The following CRIM1 variants were observed in gnomAD, a reference collection of about 807,000 sequenced individuals.
CRIM1 encodes cysteine rich transmembrane BMP regulator 1.
A neutral mutation model predicts 116.4 loss-of-function variants in CRIM1; 32 were observed. That is an observed-to-expected ratio of 0.27 (90% CI 0.21 to 0.37). The LOEUF is 0.37. CRIM1 is among the 10% of genes least tolerant of loss of function. The pLI, the probability that CRIM1 is intolerant of heterozygous loss-of-function variation, is 1.00. For synonymous variants in CRIM1, 590 were observed against 509.2 expected (o/e 1.16, Z -2.13); for missense variants, 1,331 against 1,354.8 (o/e 0.98, Z 0.28).
chr2:36,356,300 T>G lies in CRIM1; in HGVS notation c.8T>G (p.Leu3Trp). MY[L>W]VAGDRGLAGC... ...CGGCGGCGGCGCAGGAGGATGTACT[T>G]GGTGGCGGGGGACAGGGGGTTGGCC... Residue 3 changes from leucine to tryptophan, a missense_variant, in exon 1 of 17, where the codon TTG becomes TGG. By Grantham distance (61) the Leu-to-Trp change is moderately conservative. This residue lies in a region of CRIM1 where 690 missense variants were observed against 676.0 expected (regional missense o/e 1.02). Transcript: ENST00000280527. The surrounding 1 kb of genome is among the most constrained non-coding windows in gnomAD (Gnocchi z 4.3). 6.5e-7 allele frequency: 1 copy of G among 1,528,278 alleles called. No homozygotes were observed. The allele number at this position is 1,528,278 out of a possible 1,614,324, so 94.7% of individuals were successfully genotyped here.
Position 36,432,440 on chromosome 2 carries a change from A to T in CRIM1, c.506-8818A>T, listed in dbSNP as rs1237054051. On this transcript the variant is annotated intron_variant, in intron 2 of 16. Coordinates refer to ENST00000280527, the MANE Select transcript of CRIM1 (RefSeq NM_016441.3). The stretch of plus-strand genomic sequence containing the variant: ...GGTTGGATATATTTTTCTGGTGTGA[A>T]TTAACAGATGAAATAAAATGTCTCT... Among the ~76,000 whole-genome samples, 5 of 152,216 alleles carry T rather than the reference A, an allele frequency of 3.3e-5. No individual in the cohort carries two copies. The East Asian group carries it at 9.6e-4, about 29-fold the overall frequency.
intron 13 of CRIM1, chr2:36,529,336 A>G (rs1665964295): frequency 5.9e-6 from 2 of 336,332 alleles, no homozygotes; most frequent in South Asian, 2.5e-5. Context: ...GGAAGGTCCA[A>G]TGGCTTCTAC....
chr2:36,525,777 A>G (rs996052859), intron 13 of CRIM1, among the ~76,000 whole-genome samples: 3 of 152,156 alleles, frequency 2.0e-5, no homozygotes, highest in African/African-American at 7.2e-5. Flanking sequence ...GATCTCTAAA[A>G]ACCTCAAACT....
rs1389638776 is a variant in CRIM1 at position 36,356,651 on chromosome 2, C to T, written c.331+28C>T. 1 of 1,588,244 alleles carries T rather than the reference C, an allele frequency of 6.3e-7. No homozygotes were observed. The highest frequency in any genetic ancestry group is 1.3e-5 in the African/African-American group (1 of 74,608). ...ACGGCCGCCCGCTGCGGGCCCCCTC[C>T]CACCTGGCCTGCGCCGCCCCCTCGG... On this transcript the variant is annotated intron_variant, in intron 1 of 16. Transcript: ENST00000280527. This position sits in a 1 kb window ranked among gnomAD's most constrained non-coding sequence, Gnocchi z 4.3.
intron 10 of CRIM1, among the ~76,000 whole-genome samples, chr2:36,512,797 G>A (rs1664780158): frequency 6.6e-6 from 1 of 152,208 alleles, no homozygotes. Context: ...GTTAGCTGCT[G>A]TATTTCCAGA....
intron 2 of CRIM1, among the ~76,000 whole-genome samples, chr2:36,406,399 C>T (rs1317523342): frequency 6.6e-6 from 1 of 152,092 alleles, no homozygotes; most frequent in South Asian, 2.1e-4. Context: ...AATATATGAC[C>T]TTTGATGGCA....
chr2:36,456,092 T>C (rs1010176546), intron 4 of CRIM1, among the ~76,000 whole-genome samples: 1 of 152,078 alleles, frequency 6.6e-6, no homozygotes, highest in Non-Finnish European at 1.5e-5. Context: ...GAGGCTTTGC[T>C]CAGATTTTCA....
intron 13 of CRIM1, chr2:36,529,403 T>G (rs1458188346): frequency 4.3e-6 from 1 of 230,562 alleles, no homozygotes; most frequent in East Asian, 9.6e-5. Context: ...TTGCTTCTTT[T>G]AAGTCCTAAA....
rs1266253111 is a variant in CRIM1, at chr2:36,549,292, G to A, written c.*591G>A. ...TCTTTTCTATACAGTCACAACTGCAGTAGGCAGTGAGGAAGCCAGAGAAAT... is the reference window on the plus strand; with the variant it reads ...TCTTTTCTATACAGTCACAACTGCAATAGGCAGTGAGGAAGCCAGAGAAAT... On this transcript the variant is annotated 3_prime_UTR_variant, in exon 17 of 17. Transcript: ENST00000280527. 6.5e-6 allele frequency: 1 copy of A among 152,698 alleles called. No homozygotes were observed. Among genetic ancestry groups the A allele is most frequent in the Non-Finnish European group, 1.5e-5 (1 of 68,102 alleles). The allele number at this position is 152,698 out of a possible 1,614,324, so 9.5% of individuals were successfully genotyped here.
chr2:36,542,354 T>G (rs3770818), intron 14 of CRIM1, among the ~76,000 whole-genome samples: 38,619 of 152,174 alleles, frequency 0.25, 5,294 homozygotes, highest in South Asian at 0.41. Context: ...CATAGACAGA[T>G]CCTTCTAACT....
chr2:36,385,922 CAG>C (rs780248080), intron 1 of CRIM1, among the ~76,000 whole-genome samples: 15 of 152,192 alleles, frequency 9.9e-5, no homozygotes, highest in East Asian at 5.8e-4. Context: ...AGATTAGTCT[CAG>C]GGGGTGAAAT....
At chr2:36,398,693 G>A (rs1486437814) in intron 2 of CRIM1, among the ~76,000 whole-genome samples, 1 of 152,174 alleles carries the variant, frequency 6.6e-6, no homozygotes, top group Non-Finnish European at 1.5e-5. Context: ...TAAGGTTAAT[G>A]TATCTTCTAC....
chr2:36,363,279 G>T (rs1329415204), intron 1 of CRIM1, among the ~76,000 whole-genome samples: 2 of 151,822 alleles, frequency 1.3e-5, no homozygotes, highest in Admixed American at 6.6e-5. Context: ...TTTCTCATCT[G>T]TGTAGTCAGG....
At chr2:36,388,585 G>A (rs906141584) in intron 1 of CRIM1, among the ~76,000 whole-genome samples, 4 of 152,246 alleles carry the variant, frequency 2.6e-5, no homozygotes, top group African/African-American at 9.6e-5. Context: ...TTGGGGTCCT[G>A]CCGTGAATGA....
chr2:36,456,699 C>A (rs1027338304), intron 4 of CRIM1, among the ~76,000 whole-genome samples: 2 of 152,190 alleles, frequency 1.3e-5, no homozygotes, highest in African/African-American at 2.4e-5. Context: ...AGGATTTCTG[C>A]CAGATCCCAG....
chr2:36,474,393 TAATCA>T (rs1221643716), intron 5 of CRIM1, among the ~76,000 whole-genome samples: 1 of 152,200 alleles, frequency 6.6e-6, no homozygotes, highest in East Asian at 1.9e-4. Context: ...AACCACTCCC[TAATCA>T]AAGGCCACAA....
chr2:36,511,953 C>G (rs1664717926), intron 9 of CRIM1, among the ~76,000 whole-genome samples: 1 of 152,204 alleles, frequency 6.6e-6, no homozygotes. Context: ...CTTCACTTTC[C>G]TATTCATGGA....
chr2:36,360,522 G>T (rs983248905), intron 1 of CRIM1, among the ~76,000 whole-genome samples: 1 of 152,076 alleles, frequency 6.6e-6, no homozygotes, highest in Non-Finnish European at 1.5e-5. Context: ...TTTTCATTGG[G>T]CAGTGTGTAA....
Position 36,522,203 on chromosome 2 carries a change from C to G in CRIM1, c.2318C>G (p.Thr773Ser). Residue 773 changes from threonine (T) to serine (S), a missense_variant, in exon 13 of 17, where the codon ACC becomes AGC. Thr to Ser is a moderately conservative substitution (Grantham distance 58). This residue lies in a region of CRIM1 where 358 missense variants were observed against 436.1 expected (regional missense o/e 0.82). Transcript: ENST00000280527. ...GAGTCCTGGAAGCCTGACGTTTGTA[C>G]CAGCTGCATCTGCATTGATAGCGTA... The part of the protein sequence containing the change: ...AAESWKPDVC[T>S]SCICIDSVIS... 1 of 1,614,024 alleles carries G rather than the reference C, an allele frequency of 6.2e-7. No individual in the cohort carries two copies. Among genetic ancestry groups the G allele is most frequent in the Non-Finnish European group, 8.5e-7 (1 of 1,179,920 alleles).
Sources: gnomAD v4.1 joint callset for allele counts (sites outside exome capture counted in the v4.1 genomes callset) on GRCh38, gnomAD v4.1.1 for gene constraint, gnomAD v4.1.1 regional missense constraint, Gnocchi (gnomAD v3.1) non-coding constraint, MANE v1.5 for transcripts, NCBI Gene and HGNC (gene_info 2026-07-23, HGNC 2026-07-21) for gene names.